NKAIN3: variants seen among roughly 807,000 people sequenced by gnomAD.
NKAIN3 encodes sodium/potassium-transporting ATPase subunit beta-1-interacting protein 3.
In NKAIN3, 25 loss-of-function variants were observed where a neutral mutation model predicts 30.2. The ratio of observed to expected loss-of-function variants is 0.83; its 90% CI spans 0.60 to 1.16. The LOEUF (loss-of-function observed/expected upper bound fraction) is 1.16, where lower values mean the gene tolerates loss of function less well. Among genes scored for constraint, NKAIN3 ranks in the 50% most tolerant of loss-of-function variants. The pLI, the probability that NKAIN3 is intolerant of heterozygous loss-of-function variation, is 0.00. For missense variants in NKAIN3, 225 were observed against 254.1 expected (o/e 0.89, Z 0.78); for synonymous variants, 91 against 89.6 (o/e 1.02, Z -0.09).
At chr8:62,683,024 TTTTTG>T (rs1379784658) in intron 3 of NKAIN3, among the ~76,000 whole-genome samples, 2 of 152,038 alleles carry the variant, frequency 1.3e-5, no homozygotes, top group African/African-American at 2.4e-5. Flanking sequence ...TTTGTTTGTT[TTTTTG>T]TTTGTTTGTT....
intron 3 of NKAIN3, among the ~76,000 whole-genome samples, chr8:62,593,310 A>G (rs956272613): frequency 6.6e-6 from 1 of 151,952 alleles, no homozygotes; most frequent in Non-Finnish European, 1.5e-5. Flanking sequence ...TTAGAGGAAA[A>G]TTGAAAAATA....
intron 4 of NKAIN3, chr8:62,864,008 G>T: frequency 2.7e-6 from 2 of 730,174 alleles, no homozygotes; most frequent in Non-Finnish European, 5.0e-6. Context: ...TGAGGCTCCA[G>T]CTTTGTAGGG....
chr8:62,837,278 GTTAAAGCATTCCTTCATGATTCTT>G (rs1341112974), intron 4 of NKAIN3, among the ~76,000 whole-genome samples: 1 of 152,100 alleles, frequency 6.6e-6, no homozygotes, highest in African/African-American at 2.4e-5. Flanking sequence ...CTCCATTTCA[GTTAAAGCATTCCTTCATGATTCTT>G]TTAAATCAGT....
chr8:62,252,982 T>G (rs542990462), intron 1 of NKAIN3, among the ~76,000 whole-genome samples: 24 of 152,322 alleles, frequency 1.6e-4, no homozygotes, highest in African/African-American at 5.5e-4. Context: ...TGAACTAATT[T>G]TGGCAGGCAT....
intron 5 of NKAIN3, among the ~76,000 whole-genome samples, chr8:62,937,109 G>A (rs1822807820): frequency 6.6e-6 from 1 of 150,988 alleles, no homozygotes; most frequent in South Asian, 2.1e-4. Context: ...GTATTCAGTT[G>A]ACCAAAAACC....
chr8:62,957,062 G>A (rs1823438864), intron 6 of NKAIN3, among the ~76,000 whole-genome samples: 2 of 152,238 alleles, frequency 1.3e-5, no homozygotes, highest in East Asian at 3.9e-4. Context: ...TCTAGCAATC[G>A]AGCTCCTTGG....
intron 3 of NKAIN3, among the ~76,000 whole-genome samples, chr8:62,686,201 T>C (rs1233168687): frequency 6.6e-6 from 1 of 152,152 alleles, no homozygotes; most frequent in Non-Finnish European, 1.5e-5. Flanking sequence ...AGGTCTTCCT[T>C]TAGCAGACCA....
intron 1 of NKAIN3, among the ~76,000 whole-genome samples, chr8:62,395,442 T>C (rs1817725759): frequency 6.6e-6 from 1 of 152,174 alleles, no homozygotes; most frequent in African/African-American, 2.4e-5. Context: ...CTCTATTTGG[T>C]AATATCTTTA....
intron 3 of NKAIN3, among the ~76,000 whole-genome samples, chr8:62,648,797 C>A (rs1812542552): frequency 6.6e-6 from 1 of 152,170 alleles, no homozygotes; most frequent in Non-Finnish European, 1.5e-5. Flanking sequence ...TGGGTCCAGG[C>A]TGGTTGAGCC....
intron 3 of NKAIN3, among the ~76,000 whole-genome samples, chr8:62,641,416 C>A (rs796436575): frequency 8.2e-5 from 9 of 109,446 alleles, no homozygotes; most frequent in African/African-American, 5.9e-4. Flanking sequence ...GCTGACTCTT[C>A]CATGTAATTG....
intron 1 of NKAIN3, among the ~76,000 whole-genome samples, chr8:62,264,847 G>A (rs1449613368): frequency 2.0e-5 from 3 of 152,096 alleles, no homozygotes; most frequent in Non-Finnish European, 4.4e-5. Context: ...CTGTAGCCTG[G>A]CTGCGTCACA....
At chr8:62,939,846 G>GA (rs200842393) in intron 5 of NKAIN3, among the ~76,000 whole-genome samples, 15 of 148,800 alleles carry the variant, frequency 1.0e-4, no homozygotes, top group East Asian at 2.0e-4. Flanking sequence ...ATAATACAAT[G>GA]AAAAAAAAAG....
At chr8:62,756,398 G>T (rs1816453168) in intron 4 of NKAIN3, among the ~76,000 whole-genome samples, 1 of 152,086 alleles carries the variant, frequency 6.6e-6, no homozygotes, top group African/African-American at 2.4e-5. Flanking sequence ...GCATGTATCA[G>T]AACTTCCTTT....
At chr8:62,954,061 A>G (rs567373386) in intron 6 of NKAIN3, 89 bp downstream of exon 6, 79 of 234,514 alleles carry the variant, frequency 3.4e-4, no homozygotes, top group African/African-American at 1.5e-3. Context: ...ACCTACTACT[A>G]CTAATCATTG....
intron 4 of NKAIN3, among the ~76,000 whole-genome samples, chr8:62,759,685 G>T (rs1469649132): frequency 6.6e-6 from 1 of 152,136 alleles, no homozygotes; most frequent in East Asian, 1.9e-4. Flanking sequence ...GGGAAATAAT[G>T]ATTAGAAAGT....
chr8:62,350,261 C>G (rs940948778), intron 1 of NKAIN3, among the ~76,000 whole-genome samples: 4 of 152,148 alleles, frequency 2.6e-5, no homozygotes, highest in Admixed American at 2.6e-4. Context: ...TGGTACACAC[C>G]TAACAATGGA....
chr8:62,807,169 T>G (rs995135691), intron 4 of NKAIN3, among the ~76,000 whole-genome samples: 4 of 152,204 alleles, frequency 2.6e-5, no homozygotes, highest in Admixed American at 2.0e-4. Flanking sequence ...TATAATGTAT[T>G]TCAAGCGAAT....
At chr8:62,671,389 A>C (rs59086112) in intron 3 of NKAIN3, among the ~76,000 whole-genome samples, 3,601 of 152,294 alleles carry the variant, frequency 0.024, 161 homozygotes, top group African/African-American at 0.083. Flanking sequence ...TGACTTGAGA[A>C]TAGAGATAAG....
At chr8:62,549,166 C>T (rs961355350) in intron 1 of NKAIN3, among the ~76,000 whole-genome samples, 9 of 152,300 alleles carry the variant, frequency 5.9e-5, no homozygotes, top group South Asian at 4.1e-4. Flanking sequence ...TGCTGAAACT[C>T]ACAGGGTCCT....
Sources: gnomAD v4.1 joint callset for allele counts (sites outside exome capture counted in the v4.1 genomes callset) on GRCh38, gnomAD v4.1.1 for gene constraint, MANE v1.5 for transcripts, NCBI Gene and HGNC (gene_info 2026-07-23, HGNC 2026-07-21) for gene names.